IL1RAPL2: variants seen among roughly 807,000 people sequenced by gnomAD.
IL1RAPL2 encodes the protein interleukin 1 receptor accessory protein like 2, also known as X-linked interleukin-1 receptor accessory protein-like 2.
In IL1RAPL2, 3 loss-of-function variants were observed where a neutral mutation model predicts 44.1. The observed-to-expected ratio is 0.07, with a 90% confidence interval of 0.03 to 0.18. The LOEUF is 0.18. IL1RAPL2 is among the 10% of genes least tolerant of loss of function. IL1RAPL2 has a pLI of 1.00. For missense variants in IL1RAPL2, 391 were observed against 496.4 expected, an observed-to-expected ratio of 0.79 and a Z score of 2.02; for synonymous variants, 181 against 178.8, an observed-to-expected ratio of 1.01 and a Z score of -0.10.
At chrX:104,899,624 C>G (rs1320161461) in intron 2 of IL1RAPL2, among the ~76,000 whole-genome samples, 4 of 111,208 alleles carry the variant, frequency 3.6e-5, no homozygotes, top group Non-Finnish European at 5.7e-5. Flanking sequence ...CTTTTTCTTT[C>G]TTCCCCTTAA....
intron 3 of IL1RAPL2, among the ~76,000 whole-genome samples, chrX:105,203,206 A>G (rs2033732568): frequency 9.0e-6 from 1 of 111,563 alleles, no homozygotes; most frequent in Non-Finnish European, 1.9e-5. Flanking sequence ...TTCTATCCCT[A>G]TTTGCTTACC....
At chrX:105,315,382 T>A (rs1042174826) in intron 5 of IL1RAPL2, among the ~76,000 whole-genome samples, 10 of 103,737 alleles carry the variant, frequency 9.6e-5, no homozygotes, top group East Asian at 6.2e-4. Flanking sequence ...TACCTTTTTT[T>A]AAAAAAAAAT....
chrX:104,912,313 T>G (rs751257922), intron 2 of IL1RAPL2, among the ~76,000 whole-genome samples: 4 of 110,495 alleles, frequency 3.6e-5, no homozygotes, highest in African/African-American at 9.9e-5. Flanking sequence ...GAATGTGACT[T>G]GATCAAGATT....
At chrX:105,282,886 A>T (rs1367693531) in intron 5 of IL1RAPL2, among the ~76,000 whole-genome samples, 1 of 111,937 alleles carries the variant, frequency 8.9e-6, no homozygotes, top group Non-Finnish European at 1.9e-5. Flanking sequence ...ATTTTTTATG[A>T]TAAAAGGCAT....
intron 2 of IL1RAPL2, among the ~76,000 whole-genome samples, chrX:104,670,181 G>A (rs925460399): frequency 1.8e-5 from 2 of 111,298 alleles, no homozygotes; most frequent in African/African-American, 3.3e-5. Context: ...AGCCTCAAAA[G>A]CAAGAAAGCC....
chrX:105,589,109 G>T (rs2037150006), intron 6 of IL1RAPL2, among the ~76,000 whole-genome samples: 1 of 111,646 alleles, frequency 9.0e-6, no homozygotes, highest in Non-Finnish European at 1.9e-5. Context: ...TCTCATTGTG[G>T]TTTTGATTTG....
intron 5 of IL1RAPL2, among the ~76,000 whole-genome samples, chrX:105,373,625 G>A (rs1405840321): frequency 4.5e-5 from 5 of 111,432 alleles, no homozygotes; most frequent in Non-Finnish European, 7.5e-5. Flanking sequence ...TGCCTAAGTT[G>A]TCTTCCATGG....
At chrX:105,475,866 CCTTATA>C (rs2036194763) in intron 5 of IL1RAPL2, among the ~76,000 whole-genome samples, 1 of 112,140 alleles carries the variant, frequency 8.9e-6, no homozygotes, top group Admixed American at 9.5e-5. Flanking sequence ...AATTGCCCTG[CCTTATA>C]CTTAAGCTTT....
chrX:105,569,618 G>A (rs1044676727), intron 6 of IL1RAPL2, among the ~76,000 whole-genome samples: 1 of 111,551 alleles, frequency 9.0e-6, no homozygotes, highest in African/African-American at 3.3e-5. Flanking sequence ...TTGGGTCTTT[G>A]AGTGATTACC....
intron 2 of IL1RAPL2, among the ~76,000 whole-genome samples, chrX:104,776,740 G>A (rs1047324105): frequency 8.9e-6 from 1 of 111,825 alleles, no homozygotes; most frequent in Non-Finnish European, 1.9e-5. Context: ...TTTATAGAAC[G>A]ATTAAGATAG....
intron 2 of IL1RAPL2, among the ~76,000 whole-genome samples, chrX:104,871,994 G>T (rs1439870470): frequency 8.9e-6 from 1 of 111,796 alleles, no homozygotes; most frequent in Non-Finnish European, 1.9e-5. Flanking sequence ...TTGTTAAATT[G>T]TATCTGTTGT....
chrX:105,030,818 A>G lies in IL1RAPL2; in HGVS notation c.83-164657A>G, dbSNP rs779041921. On this transcript the variant is annotated intron_variant, in intron 2 of 10. Coordinates refer to ENST00000372582, the MANE Select transcript of IL1RAPL2 (RefSeq NM_017416.2). Reference sequence around the variant, plus strand: ...GCTTGATAGGGATGGCATTGAATCTATAAATTACCTTGGGCAGTATGGCAA... The same window carrying G: ...GCTTGATAGGGATGGCATTGAATCTGTAAATTACCTTGGGCAGTATGGCAA... Among the ~76,000 whole-genome samples the G allele has an allele frequency of 1.1e-3, 126 of 111,889 alleles. 1 individual carries two copies. The highest frequency in any genetic ancestry group is 3.8e-3 in the African/African-American group (118 of 30,812).
intron 2 of IL1RAPL2, among the ~76,000 whole-genome samples, chrX:105,131,531 ATTT>A (rs924931766): frequency 9.7e-6 from 1 of 103,376 alleles, no homozygotes. Flanking sequence ...ACCTGTAAAT[ATTT>A]TTTTTTTTTT....
At chrX:105,144,427 G>A (rs1569392493) in intron 2 of IL1RAPL2, among the ~76,000 whole-genome samples, 1 of 111,030 alleles carries the variant, frequency 9.0e-6, no homozygotes, top group Non-Finnish European at 1.9e-5. Flanking sequence ...TTGAATCACA[G>A]TTCAAACTCG....
At chrX:105,097,473 T>G (rs1276307166) in intron 2 of IL1RAPL2, among the ~76,000 whole-genome samples, 1 of 110,777 alleles carries the variant, frequency 9.0e-6, no homozygotes, top group Non-Finnish European at 1.9e-5. Context: ...GGAGGGGAAG[T>G]ACAGAAAAGA....
At chrX:105,042,274 A>G (rs1308883594) in intron 2 of IL1RAPL2, among the ~76,000 whole-genome samples, 2 of 108,946 alleles carry the variant, frequency 1.8e-5, no homozygotes, top group Non-Finnish European at 3.8e-5. Context: ...AGAAACTACC[A>G]TCAGAGTGAA....
intron 2 of IL1RAPL2, among the ~76,000 whole-genome samples, chrX:104,675,304 G>C (rs1237916889): frequency 9.0e-6 from 1 of 111,324 alleles, no homozygotes; most frequent in Non-Finnish European, 1.9e-5. Context: ...TTGTGTCTTT[G>C]TTCTCATTGG....
intron 6 of IL1RAPL2, among the ~76,000 whole-genome samples, chrX:105,510,802 T>C (rs1219523860): frequency 9.0e-6 from 1 of 111,515 alleles, no homozygotes; most frequent in East Asian, 2.8e-4. Flanking sequence ...GAAAACAGAT[T>C]GTTACCTAGA....
chrX:104,944,980 A>G (rs976233510), intron 2 of IL1RAPL2, among the ~76,000 whole-genome samples: 2 of 111,791 alleles, frequency 1.8e-5, no homozygotes, highest in Non-Finnish European at 3.8e-5. Flanking sequence ...TAAAAGTTGT[A>G]AGGAATAGAT....
Sources: allele counts gnomAD v4.1 joint callset (sites outside exome capture counted in the v4.1 genomes callset), GRCh38; gene constraint gnomAD v4.1.1; transcripts MANE v1.5; gene names NCBI Gene and HGNC (gene_info 2026-07-23, HGNC 2026-07-21).